Variants in H2AZ1 observed in about 807,000 individuals in gnomAD.
The protein encoded by H2AZ1 is H2A.Z variant histone 1.
Under a neutral mutation model 16.6 loss-of-function variants are expected in H2AZ1, and 3 were observed. The observed-to-expected ratio is 0.18, with a 90% CI of 0.08 to 0.47. H2AZ1 has a LOEUF of 0.47. Among genes scored for constraint, H2AZ1 ranks in the 20% least tolerant of loss-of-function variants. H2AZ1 has a pLI of 0.98. For synonymous variants in H2AZ1, 78 were observed against 60.7 expected (o/e 1.28, Z -1.32); for missense variants, 27 against 163.6 (o/e 0.17, Z 4.55).
intron 3 of H2AZ1, 129 bp downstream of exon 3, chr4:99,949,144 T>C (rs1578248275): frequency 1.5e-6 from 1 of 663,022 alleles, no homozygotes; most frequent in African/African-American, 1.8e-5. Flanking sequence ...ACCAGCTCCC[T>C]CTAGCGTTCT....
At chr4:99,950,059 C>T in intron 1 of H2AZ1, 109 bp downstream of exon 1, 1 of 1,059,474 alleles carries the variant, frequency 9.4e-7, no homozygotes, top group Non-Finnish European at 1.4e-6. Flanking sequence ...TAAATCCTGT[C>T]TCCGCGCGTT....
intron 2 of H2AZ1, 115 bp downstream of exon 2, chr4:99,949,548 C>G: frequency 2.7e-6 from 3 of 1,101,742 alleles, no homozygotes; most frequent in South Asian, 1.2e-5. Flanking sequence ...CAGCCCAAGT[C>G]GCGACACCGC....
intron 2 of H2AZ1, 109 bp downstream of exon 2, chr4:99,949,554 A>G (rs767356590): frequency 8.8e-7 from 1 of 1,141,754 alleles, no homozygotes; most frequent in Admixed American, 1.7e-5. Flanking sequence ...AAGTCGCGAC[A>G]CCGCATCACC....
chr4:99,948,638 C>G, intron 4 of H2AZ1, 115 bp from the exon 5 acceptor site: 2 of 1,504,506 alleles, frequency 1.3e-6, no homozygotes, highest in Non-Finnish European at 1.8e-6. Flanking sequence ...ACATGCAGCT[C>G]AAGTATGAAG....
At position 99,950,229 on chromosome 4, in the gene H2AZ1, G is replaced by T. The variant is rs1000955299; in HGVS notation, c.-59C>A. 4 of 1,560,216 alleles carry T rather than the reference G, an allele frequency of 2.6e-6. No homozygotes were observed. In the Admixed American group the frequency reaches 5.2e-5, roughly 20 times the overall value. On this transcript the variant is annotated 5_prime_UTR_variant, in exon 1 of 5. Transcript: ENST00000296417. ...AGAGAAAAGGCTAATCGGACCCACG[G>T]TGAGATCCCACCACCTACTCCTTCG...
chr4:99,948,700 C>A (rs746574888), intron 4 of H2AZ1, 111 bp downstream of exon 4: 2 of 1,464,464 alleles, frequency 1.4e-6, no homozygotes, highest in Non-Finnish European at 1.8e-6. Flanking sequence ...TACAACCATA[C>A]TTCCATCATT....
rs756501416 is a variant in H2AZ1, at chr4:99,949,658, C to G, written c.81+5G>C. 6.2e-7 allele frequency: 1 copy of G among 1,612,942 alleles called. No individual in the cohort carries two copies. The highest frequency in any genetic ancestry group is 8.5e-7 in the Non-Finnish European group (1 of 1,178,872). Reference sequence around the variant, plus strand: ...GACTCCCAGACTGCACGAACAACTACTGACCTGCAAGCCGGCTCTCTGCGA... The same window carrying G: ...GACTCCCAGACTGCACGAACAACTAGTGACCTGCAAGCCGGCTCTCTGCGA... On this transcript the variant is annotated splice_donor_5th_base_variant and intron_variant, in intron 2 of 4. Transcript: ENST00000296417.
In H2AZ1 at chr4:99,948,155, T is replaced by C. The variant is rs1727178531; in HGVS notation, c.*307A>G. On this transcript the variant is annotated 3_prime_UTR_variant, in exon 5 of 5. Transcript: ENST00000296417. ...ATAATGTCTGTACAAAACCAAATGT[T>C]TGTTACTATAACTTCTGCATCACAA... 2.0e-6 allele frequency: 1 copy of C among 511,486 alleles called. No homozygotes were observed. Among genetic ancestry groups the C allele is most frequent in the Admixed American group, 2.8e-5 (1 of 35,700 alleles). The allele number at this position is 511,486 out of a possible 1,614,324, so 31.7% of individuals were successfully genotyped here. A position where few individuals can be genotyped will look rare whatever the true frequency, so the allele number is the denominator to read the frequency against.
At chr4:99,948,779 G>GA in intron 4 of H2AZ1, 32 bp downstream of exon 4, 1 of 1,575,236 alleles carries the variant, frequency 6.3e-7, no homozygotes. Context: ...TTCCTCTGAA[G>GA]AAATTTTTTA....
At chr4:99,949,526 T>G in intron 2 of H2AZ1, 137 bp downstream of exon 2, 1 of 1,001,864 alleles carries the variant, frequency 1.0e-6, no homozygotes, top group Non-Finnish European at 1.6e-6. Flanking sequence ...CCCCCCATAT[T>G]TATCGTATGG....
chr4:99,948,987 A>C, intron 3 of H2AZ1, 47 bp from the exon 4 acceptor site: 1 of 1,126,452 alleles, frequency 8.9e-7, no homozygotes. Flanking sequence ...CCTTTGGCCA[A>C]GATTCAGAGA....
chr4:99,950,173 C>A lies in H2AZ1; in HGVS notation c.-3G>T. 6.2e-7 allele frequency: 1 copy of A among 1,609,150 alleles called. No homozygotes were observed. The highest frequency in any genetic ancestry group is 8.5e-7 in the Non-Finnish European group (1 of 1,177,760). ...AGCGTCTCTGCGAAGTTTACCATTT[C>A]GAATTCCGCTGAAGCTCAAGCAAGC... On this transcript the variant is annotated 5_prime_UTR_variant, in exon 1 of 5. Transcript: ENST00000296417.
In H2AZ1 at chr4:99,948,812, A is replaced by G. The variant is rs369350507; in HGVS notation, c.324T>C (p.Gly108=). The G allele has an allele frequency of 1.9e-5, 30 of 1,604,342 alleles. No homozygotes were observed. The highest frequency in any genetic ancestry group is 2.5e-5 in the Non-Finnish European group (29 of 1,174,888). The change falls in exon 4 of 5, where the codon GGT becomes GGC. Residue 108 remains glycine (G), a splice_region_variant and synonymous_variant. Coordinates refer to ENST00000296417, the MANE Select transcript of H2AZ1 (RefSeq NM_002106.4). ...DSLIKATIAG[G]GVIPHIHKSL... is the part of the protein sequence containing the mutation. The stretch of plus-strand genomic sequence containing the variant: ...TTAAAATGTTAGAAGTTAACATACC[A>G]CCACCAGCAATTGTAGCCTTGATGA...
intron 1 of H2AZ1, 141 bp from the exon 2 acceptor site, chr4:99,949,881 C>G (rs931959777): frequency 3.6e-6 from 1 of 275,426 alleles, no homozygotes; most frequent in African/African-American, 2.3e-5. Context: ...CGCGGCGCGC[C>G]GCAGGGGCGA....
Position 99,948,881 on chromosome 4 carries a change from A to T in H2AZ1, c.255T>A (p.Arg85=). 1 of 1,613,708 alleles carries T rather than the reference A, an allele frequency of 6.2e-7. No homozygotes were observed. The highest frequency in any genetic ancestry group is 8.5e-7 in the Non-Finnish European group (1 of 1,179,588). ...KDLKVKRITP[R]HLQLAIRGDE... Reference sequence around the variant, plus strand: ...CTCCACGAATAGCAAGTTGCAAGTGACGAGGGGTAATACGCTTTACCTTTA... The same window carrying T: ...CTCCACGAATAGCAAGTTGCAAGTGTCGAGGGGTAATACGCTTTACCTTTA... Residue 85 remains arginine (R), a synonymous_variant, in exon 4 of 5, where the codon CGT becomes CGA. Transcript: ENST00000296417.
rs768799382 is a variant in H2AZ1 at position 99,949,684 on chromosome 4, G to C, written c.60C>G (p.Arg20=). ...TGACCTGCAAGCCGGCTCTCTGCGA[G>C]CGGGAAACCGCCTTTGTCTTGGCCT... ...SGKAKTKAVS[R]SQRAGLQFPV... Residue 20 remains arginine, a synonymous_variant, in exon 2 of 5, where the codon CGC becomes CGG. Coordinates refer to ENST00000296417, the MANE Select transcript of H2AZ1 (RefSeq NM_002106.4). The C allele has an allele frequency of 1.9e-6, 3 of 1,613,960 alleles. No homozygotes were observed. The highest frequency in any genetic ancestry group is 1.3e-5 in the African/African-American group (1 of 74,944).
At chr4:99,949,979 C>A (rs2110233991) in intron 1 of H2AZ1, 189 bp downstream of exon 1, 2 of 358,258 alleles carry the variant, frequency 5.6e-6, no homozygotes, top group African/African-American at 2.2e-5. Context: ...CGCCACCCAA[C>A]CGTCGCCGCC....
intron 4 of H2AZ1, 100 bp from the exon 5 acceptor site, chr4:99,948,623 T>A: frequency 6.5e-7 from 1 of 1,532,604 alleles, no homozygotes; most frequent in East Asian, 2.3e-5. Context: ...AAGGTATCTT[T>A]AAAAACATGC....
chr4:99,950,275 CGCTG>C, upstream of H2AZ1: 2 of 1,033,476 alleles, frequency 1.9e-6, no homozygotes, highest in Non-Finnish European at 3.0e-6. Flanking sequence ...ATTCAAACTG[CGCTG>C]TCTCCCGCCT....
Sources: allele counts gnomAD v4.1 joint callset, GRCh38; gene constraint gnomAD v4.1.1; transcripts MANE v1.5; gene names NCBI Gene and HGNC (gene_info 2026-07-23, HGNC 2026-07-21).